Variants in TIAM2 observed in about 807,000 individuals in gnomAD.
TIAM2 encodes the protein rho guanine nucleotide exchange factor TIAM2.
In TIAM2, 80 loss-of-function variants were observed where a neutral mutation model predicts 152.9. The ratio of observed to expected loss-of-function variants is 0.52; its 90% CI spans 0.44 to 0.63. The LOEUF is 0.63. TIAM2 is among the 30% of genes least tolerant of loss of function. The pLI, the probability that TIAM2 is intolerant of heterozygous loss-of-function variation, is 0.00. For synonymous variants in TIAM2, 804 were observed against 838.0 expected (o/e 0.96, Z 0.70); for missense variants, 1,965 against 2,120.1 (o/e 0.93, Z 1.44).
chr6:155,059,513 G>A (rs1260084277), intron 1 of TIAM2, among the ~76,000 whole-genome samples: 4 of 151,890 alleles, frequency 2.6e-5, no homozygotes, highest in Non-Finnish European at 5.9e-5. Flanking sequence ...ATCGGGTTTC[G>A]CCATGTTGGC....
chr6:155,216,768 G>T (rs532088312), intron 15 of TIAM2: 3 of 355,480 alleles, frequency 8.4e-6, no homozygotes, highest in Admixed American at 1.1e-4. Context: ...CTCAGGAGAC[G>T]TGGCCCTCTG....
At chr6:155,128,677 A>G (rs997842535) in intron 3 of TIAM2, among the ~76,000 whole-genome samples, 1 of 149,318 alleles carries the variant, frequency 6.7e-6, no homozygotes, top group African/African-American at 2.5e-5. Context: ...CTGGAGCAAC[A>G]GAGTGAGACC....
At chr6:155,207,011 C>T (rs1005923408) in intron 14 of TIAM2, among the ~76,000 whole-genome samples, 4 of 152,290 alleles carry the variant, frequency 2.6e-5, no homozygotes, top group Admixed American at 1.3e-4. Flanking sequence ...CAAAGAACCC[C>T]TAAAACATGT....
intron 1 of TIAM2, among the ~76,000 whole-genome samples, chr6:155,049,127 G>A (rs747046774): frequency 1.3e-5 from 2 of 152,070 alleles, no homozygotes; most frequent in African/African-American, 2.4e-5. Context: ...AAGGGAGCAC[G>A]GCCCCTGTTT....
intron 1 of TIAM2, among the ~76,000 whole-genome samples, chr6:155,074,439 C>T (rs1359403816): frequency 6.6e-6 from 1 of 152,064 alleles, no homozygotes; most frequent in Non-Finnish European, 1.5e-5. Flanking sequence ...CCTCCACCTC[C>T]CAGGTTCAAG....
intron 15 of TIAM2, 61 bp from the exon 16 acceptor site, chr6:155,240,469 G>A (rs1782974300): frequency 2.6e-6 from 4 of 1,521,286 alleles, no homozygotes; most frequent in Non-Finnish European, 3.5e-6. Flanking sequence ...TGCCCTTGGG[G>A]GCAGCGGATA....
intron 1 of TIAM2, among the ~76,000 whole-genome samples, chr6:155,022,731 C>T (rs1181158009): frequency 1.3e-5 from 2 of 152,298 alleles, no homozygotes; most frequent in African/African-American, 4.8e-5. Context: ...GGCCACCTTG[C>T]AGAAGCAATG....
chr6:155,084,122 G>A (rs568707908), intron 1 of TIAM2, among the ~76,000 whole-genome samples: 1 of 152,122 alleles, frequency 6.6e-6, no homozygotes, highest in Non-Finnish European at 1.5e-5. Context: ...ATCTACCTGG[G>A]GCACTGCATG....
At chr6:155,107,261 A>G (rs1370554233) in intron 2 of TIAM2, among the ~76,000 whole-genome samples, 1 of 152,192 alleles carries the variant, frequency 6.6e-6, no homozygotes, top group Non-Finnish European at 1.5e-5. Context: ...CCGGCAATAT[A>G]TAAGTGCTGA....
At chr6:155,122,978 A>G (rs1779207174) in intron 2 of TIAM2, among the ~76,000 whole-genome samples, 1 of 152,032 alleles carries the variant, frequency 6.6e-6, no homozygotes, top group Non-Finnish European at 1.5e-5. Flanking sequence ...TAAAGGAGTC[A>G]GGGGGCCAGA....
intron 2 of TIAM2, among the ~76,000 whole-genome samples, chr6:155,101,822 C>G (rs1778556027): frequency 6.6e-6 from 1 of 152,058 alleles, no homozygotes; most frequent in African/African-American, 2.4e-5. Context: ...CTGCCTCAGC[C>G]TCCCGAGTAG....
intron 16 of TIAM2, among the ~76,000 whole-genome samples, chr6:155,242,334 A>G (rs1583279227): frequency 1.3e-5 from 2 of 152,200 alleles, no homozygotes; most frequent in Non-Finnish European, 2.9e-5. Flanking sequence ...GCTGACGTTT[A>G]ACACAGAATC....
chr6:155,244,213 C>A (rs1783197736), intron 17 of TIAM2, 134 bp downstream of exon 17: 1 of 823,694 alleles, frequency 1.2e-6, no homozygotes. Context: ...TCTGAGAGTC[C>A]CAGGCATAGC....
chr6:155,091,886 C>G (rs1348110829), intron 2 of TIAM2, among the ~76,000 whole-genome samples: 1 of 152,106 alleles, frequency 6.6e-6, no homozygotes. Flanking sequence ...TTGCTAGTGA[C>G]CTGGAGTAGG....
chr6:155,103,493 G>A (rs1196701734), intron 2 of TIAM2, among the ~76,000 whole-genome samples: 1 of 152,094 alleles, frequency 6.6e-6, no homozygotes, highest in African/African-American at 2.4e-5. Flanking sequence ...GGAGGCTGAG[G>A]CGGGTGGATC....
At chr6:155,097,488 C>G (rs888987675) in intron 2 of TIAM2, among the ~76,000 whole-genome samples, 3 of 152,146 alleles carry the variant, frequency 2.0e-5, no homozygotes, top group Non-Finnish European at 4.4e-5. Flanking sequence ...AATACAGGCA[C>G]TCACCATCAT....
chr6:155,177,349 A>G (rs1365731990), intron 10 of TIAM2, among the ~76,000 whole-genome samples: 1 of 152,238 alleles, frequency 6.6e-6, no homozygotes, highest in Non-Finnish European at 1.5e-5. Flanking sequence ...TTAATCCTAA[A>G]TAGTTTTATC....
At chr6:155,122,835 G>T (rs1019195300) in intron 2 of TIAM2, among the ~76,000 whole-genome samples, 1 of 141,864 alleles carries the variant, frequency 7.0e-6, no homozygotes, top group African/African-American at 2.8e-5. Context: ...TAAACACCAG[G>T]CCCTTTTAAA....
chr6:155,071,603 C>T (rs1777839015), intron 1 of TIAM2, among the ~76,000 whole-genome samples: 1 of 152,086 alleles, frequency 6.6e-6, no homozygotes, highest in South Asian at 2.1e-4. Context: ...CAGTGATACA[C>T]CTGAAAGTAA....
Sources: gnomAD v4.1 joint callset for allele counts (sites outside exome capture counted in the v4.1 genomes callset) on GRCh38, gnomAD v4.1.1 for gene constraint, MANE v1.5 for transcripts, NCBI Gene and HGNC (gene_info 2026-07-23, HGNC 2026-07-21) for gene names.